The following CA10 variants were observed in gnomAD, a reference collection of about 807,000 sequenced individuals.
The protein encoded by CA10 is carbonic anhydrase-related protein 10.
In CA10, 14 loss-of-function variants were observed where a neutral mutation model predicts 44.2. The observed-to-expected ratio is 0.32, with a 90% CI of 0.21 to 0.50. CA10 has a LOEUF of 0.50. Among genes scored for constraint, CA10 ranks in the 20% least tolerant of loss-of-function variants. The pLI is 0.99. For synonymous variants in CA10, 159 were observed against 141.6 expected, an observed-to-expected ratio of 1.12 and a Z score of -0.87; for missense variants, 350 against 409.7, an observed-to-expected ratio of 0.85 and a Z score of 1.26.
intron 3 of CA10, among the ~76,000 whole-genome samples, chr17:51,874,623 A>T (rs1013121491): frequency 6.6e-6 from 1 of 152,176 alleles, no homozygotes; most frequent in Non-Finnish European, 1.5e-5. Context: ...ACCTTGTTAC[A>T]CATGTAAAAT....
Position 51,779,548 on chromosome 17 carries a change from C to T in CA10, c.280-31730G>A, listed in dbSNP as rs1905963088. The stretch of plus-strand genomic sequence containing the variant: ...AAAAATGCATCCCCTCCAGCAAATG[C>T]TTTCCTGGAATTACCCTTTGTTTGG... On this transcript the variant is annotated intron_variant, in intron 3 of 8. Transcript: ENST00000451037. 2.0e-5 allele frequency among the ~76,000 whole-genome samples: 3 copies of T among 152,194 alleles called. No individual in the cohort carries two copies. In the South Asian group the frequency reaches 6.2e-4, roughly 31 times the overall value.
intron 3 of CA10, among the ~76,000 whole-genome samples, chr17:51,930,591 A>T (rs1982615740): frequency 6.6e-6 from 1 of 152,108 alleles, no homozygotes; most frequent in Non-Finnish European, 1.5e-5. Context: ...TCCCAAGATG[A>T]TGAACGTCTG....
intron 3 of CA10, among the ~76,000 whole-genome samples, chr17:51,869,521 T>C (rs1979710270): frequency 6.6e-6 from 1 of 152,158 alleles, no homozygotes; most frequent in South Asian, 2.1e-4. Flanking sequence ...AGTCTCCCTG[T>C]CAGATCCTTG....
intron 3 of CA10, among the ~76,000 whole-genome samples, chr17:51,789,202 G>A (rs999514077): frequency 4.6e-5 from 7 of 152,084 alleles, no homozygotes. Context: ...TTTTAGTAGA[G>A]AGGGGGTTTC....
chr17:51,828,569 A>G (rs1472476116), intron 3 of CA10, among the ~76,000 whole-genome samples: 1 of 152,194 alleles, frequency 6.6e-6, no homozygotes, highest in Non-Finnish European at 1.5e-5. Context: ...AGGACTTATT[A>G]TAGCCAAAAT....
At chr17:51,750,310 T>C (rs1904849425) in intron 3 of CA10, among the ~76,000 whole-genome samples, 1 of 151,982 alleles carries the variant, frequency 6.6e-6, no homozygotes, top group Non-Finnish European at 1.5e-5. Flanking sequence ...ATTTTATATA[T>C]GTGCATTATA....
At chr17:51,789,611 T>C (rs1906431917) in intron 3 of CA10, among the ~76,000 whole-genome samples, 1 of 152,152 alleles carries the variant, frequency 6.6e-6, no homozygotes. Context: ...TTTTGAAGCC[T>C]GTTTCTCTGC....
At chr17:51,803,283 T>TC (rs928103222) in intron 3 of CA10, among the ~76,000 whole-genome samples, 2 of 152,176 alleles carry the variant, frequency 1.3e-5, no homozygotes, top group African/African-American at 4.8e-5. Context: ...GGCCCTACCT[T>TC]CCATCCTCCT....
At chr17:51,736,660 A>G (rs1916924145) in intron 4 of CA10, among the ~76,000 whole-genome samples, 1 of 152,222 alleles carries the variant, frequency 6.6e-6, no homozygotes, top group Admixed American at 6.5e-5. Context: ...CACCCAAGCT[A>G]CCTCTGAGAC....
intron 2 of CA10, among the ~76,000 whole-genome samples, chr17:52,051,696 C>T (rs1987076847): frequency 6.6e-6 from 1 of 152,032 alleles, no homozygotes; most frequent in Admixed American, 6.6e-5. Context: ...TAAATTAGTT[C>T]TACCATTGTG....
chr17:51,838,215 C>T (rs1014798074), intron 3 of CA10, among the ~76,000 whole-genome samples: 2 of 152,228 alleles, frequency 1.3e-5, no homozygotes, highest in African/African-American at 4.8e-5. Flanking sequence ...AAATGACAGA[C>T]TGAAATCAAG....
In CA10 at chr17:51,986,267, T is replaced by C. The variant is rs1006219446; in HGVS notation, c.137-55135A>G. On this transcript the variant is annotated intron_variant, in intron 2 of 8. Transcript: ENST00000451037. ...AACAAAGTAAAGAAAGAACACCCTA[T>C]TCAACAAATGGTGCTGAGATATTTG... Among the ~76,000 whole-genome samples, 8 of 152,164 alleles carry C rather than the reference T, an allele frequency of 5.3e-5. 1 individual carries two copies. The highest frequency in any genetic ancestry group is 2.0e-4 in the Admixed American group (3 of 15,268).
At chr17:52,016,193 T>C (rs987145049) in intron 2 of CA10, among the ~76,000 whole-genome samples, 10 of 152,098 alleles carry the variant, frequency 6.6e-5, no homozygotes, top group African/African-American at 2.4e-4. Flanking sequence ...ATGCAAAGCA[T>C]CCAGAGTGCT....
intron 2 of CA10, among the ~76,000 whole-genome samples, chr17:52,016,840 T>TGCA (rs1425572810): frequency 6.6e-6 from 1 of 152,050 alleles, no homozygotes; most frequent in Non-Finnish European, 1.5e-5. Context: ...TTGAAACCAG[T>TGCA]AGGTGGAGGT....
chr17:52,130,706 CT>C (rs1369229930), intron 1 of CA10, among the ~76,000 whole-genome samples: 1 of 150,998 alleles, frequency 6.6e-6, no homozygotes, highest in East Asian at 1.9e-4. Context: ...TTCTTTCTTT[CT>C]TTTTTTTTGA....
intron 1 of CA10, among the ~76,000 whole-genome samples, chr17:52,090,421 A>G (rs1988228312): frequency 6.6e-6 from 1 of 152,170 alleles, no homozygotes; most frequent in South Asian, 2.1e-4. Flanking sequence ...TGACAGATCA[A>G]TTAAACAGCA....
At chr17:51,964,197 A>T (rs764259675) in intron 2 of CA10, among the ~76,000 whole-genome samples, 1 of 152,114 alleles carries the variant, frequency 6.6e-6, no homozygotes, top group Admixed American at 6.5e-5. Flanking sequence ...AAAAGGTTCA[A>T]TTCAACAAGA....
intron 2 of CA10, among the ~76,000 whole-genome samples, chr17:52,052,197 G>A (rs561433498): frequency 7.3e-5 from 11 of 151,662 alleles, no homozygotes; most frequent in South Asian, 6.2e-4. Flanking sequence ...CTTAATACCC[G>A]GGTGATTAAA....
intron 5 of CA10, among the ~76,000 whole-genome samples, chr17:51,650,113 A>G (rs2143271660): frequency 6.6e-6 from 1 of 152,258 alleles, no homozygotes; most frequent in South Asian, 2.1e-4. Context: ...TATAGCTTCA[A>G]ATTCCTCTGT....
Sources: allele counts gnomAD v4.1 joint callset (sites outside exome capture counted in the v4.1 genomes callset), GRCh38; gene constraint gnomAD v4.1.1; transcripts MANE v1.5; gene names NCBI Gene and HGNC (gene_info 2026-07-23, HGNC 2026-07-21).